The following IMMP2L variants were observed in gnomAD, a reference collection of about 807,000 sequenced individuals.
IMMP2L encodes the protein mitochondrial inner membrane protease subunit 2.
IMMP2L carries 18 observed loss-of-function variants against 19.3 expected under a neutral mutation model. The ratio of observed to expected loss-of-function variants is 0.93; its 90% CI spans 0.64 to 1.38. The LOEUF (loss-of-function observed/expected upper bound fraction) is 1.38. Ranked by LOEUF, IMMP2L falls within the 40% of genes most tolerant of loss-of-function variation. The pLI is 0.00. For synonymous variants in IMMP2L, 76 were observed against 73.0 expected (o/e 1.04, Z -0.21); for missense variants, 233 against 218.2 (o/e 1.07, Z -0.43).
intron 3 of IMMP2L, among the ~76,000 whole-genome samples, chr7:110,987,829 A>G (rs1822017362): frequency 1.3e-5 from 2 of 152,318 alleles, no homozygotes; most frequent in South Asian, 4.1e-4. Flanking sequence ...ACATTCATTT[A>G]AAAATATTAA....
chr7:111,340,093 A>T (rs1445713004), intron 3 of IMMP2L, among the ~76,000 whole-genome samples: 1 of 152,040 alleles, frequency 6.6e-6, no homozygotes, highest in African/African-American at 2.4e-5. Context: ...ATGTGGAAAA[A>T]ATAGAAAAAA....
intron 1 of IMMP2L, among the ~76,000 whole-genome samples, chr7:111,530,958 AT>A (rs145159226): frequency 0.014 from 1,973 of 143,224 alleles, 29 homozygotes; most frequent in African/African-American, 0.037. Context: ...CTGAATATTA[AT>A]TTTTTTTTTT....
chr7:110,819,314 A>T (rs1019833204), intron 5 of IMMP2L, among the ~76,000 whole-genome samples: 1 of 151,966 alleles, frequency 6.6e-6, no homozygotes, highest in Non-Finnish European at 1.5e-5. Flanking sequence ...GGAGAGAATG[A>T]GGCTGTGATG....
intron 3 of IMMP2L, among the ~76,000 whole-genome samples, chr7:111,209,383 C>T (rs949656816): frequency 3.9e-5 from 5 of 128,212 alleles, no homozygotes; most frequent in East Asian, 2.2e-4. Context: ...GGCGACAGAG[C>T]GAGACTCCTT....
chr7:111,181,836 T>C (rs926484604), intron 3 of IMMP2L, among the ~76,000 whole-genome samples: 3 of 152,012 alleles, frequency 2.0e-5, no homozygotes, highest in Admixed American at 1.3e-4. Context: ...TCCACATTTC[T>C]GCTTACTTCT....
chr7:111,187,508 T>C (rs1808400172), intron 3 of IMMP2L, among the ~76,000 whole-genome samples: 1 of 152,150 alleles, frequency 6.6e-6, no homozygotes, highest in Non-Finnish European at 1.5e-5. Flanking sequence ...CAAACCACTA[T>C]ATTATAGTTA....
chr7:111,501,845 A>G (rs1585385394), intron 2 of IMMP2L, among the ~76,000 whole-genome samples: 1 of 152,160 alleles, frequency 6.6e-6, no homozygotes, highest in South Asian at 2.1e-4. Flanking sequence ...GAAAGGAACA[A>G]CCGGTACCAG....
intron 3 of IMMP2L, among the ~76,000 whole-genome samples, chr7:111,172,771 T>C (rs954400773): frequency 5.9e-5 from 9 of 151,602 alleles, no homozygotes; most frequent in African/African-American, 2.2e-4. Context: ...CTGGTTTATG[T>C]CATTTAACCT....
chr7:110,866,921 C>T (rs1808040985), intron 5 of IMMP2L, among the ~76,000 whole-genome samples: 1 of 151,974 alleles, frequency 6.6e-6, no homozygotes, highest in African/African-American at 2.4e-5. Flanking sequence ...CTATAATTAC[C>T]AATTGCAAAC....
At chr7:111,007,536 T>G (rs1824429301) in intron 3 of IMMP2L, among the ~76,000 whole-genome samples, 1 of 152,124 alleles carries the variant, frequency 6.6e-6, no homozygotes, top group Admixed American at 6.6e-5. Context: ...TCTGCCTCTC[T>G]CGAACATCTA....
rs1430001406 is a variant in IMMP2L at position 111,101,690 on chromosome 7, TC to T, written c.240-138126del. 5.3e-5 allele frequency among the ~76,000 whole-genome samples: 8 copies of T among 151,584 alleles called. No individual in the cohort carries two copies. In the East Asian group the frequency reaches 1.4e-3, roughly 26 times the overall value. On this transcript the variant is annotated intron_variant, in intron 3 of 5. Coordinates refer to ENST00000405709, the MANE Select transcript of IMMP2L (RefSeq NM_032549.4). The stretch of plus-strand genomic sequence containing the variant: ...TCAATAGGTATATTGTCTTGTGTCT[TC>T]CCTGAGAAGACTGAGAAGAGGGTAT...
chr7:111,391,223 G>A (rs1832324656), intron 3 of IMMP2L, among the ~76,000 whole-genome samples: 1 of 152,060 alleles, frequency 6.6e-6, no homozygotes, highest in African/African-American at 2.4e-5. Flanking sequence ...ATCAGGAGCA[G>A]CTCTCTTGCT....
intron 5 of IMMP2L, among the ~76,000 whole-genome samples, chr7:110,750,131 C>T (rs974342459): frequency 4.6e-5 from 7 of 152,136 alleles, no homozygotes; most frequent in African/African-American, 7.2e-5. Context: ...AGTTAAAAAT[C>T]TCTGTGGTCT....
intron 5 of IMMP2L, among the ~76,000 whole-genome samples, chr7:110,699,800 C>T (rs1276318672): frequency 6.6e-6 from 1 of 151,426 alleles, no homozygotes; most frequent in African/African-American, 2.4e-5. Flanking sequence ...GAATATCCCT[C>T]TCATGATTAT....
intron 3 of IMMP2L, among the ~76,000 whole-genome samples, chr7:111,031,639 A>G (rs1790834461): frequency 6.6e-6 from 1 of 152,216 alleles, no homozygotes; most frequent in African/African-American, 2.4e-5. Context: ...AACGGAGGAA[A>G]TCCAAATGAT....
rs181546313 is a variant in IMMP2L, at chr7:111,040,125, C to A, written c.240-76560G>T. 4.3e-3 allele frequency among the ~76,000 whole-genome samples: 661 copies of A among 152,178 alleles called. 8 individuals are homozygous for A. The highest frequency in any genetic ancestry group is 5.9e-3 in the Non-Finnish European group (399 of 68,010). On this transcript the variant is annotated intron_variant, in intron 3 of 5. Transcript: ENST00000405709. ...CAGAGGATGCAGTGAGCGGAGATTG[C>A]GCCACTGCACTGCAGCCTGGGTGAC...
chr7:111,118,831 C>A (rs1367965266), intron 3 of IMMP2L, among the ~76,000 whole-genome samples: 1 of 152,104 alleles, frequency 6.6e-6, no homozygotes, highest in African/African-American at 2.4e-5. Context: ...TTGCTTCCTA[C>A]AGACCAGGAG....
chr7:110,780,031 TAAATA>T (rs1799632888), intron 5 of IMMP2L, among the ~76,000 whole-genome samples: 1 of 151,900 alleles, frequency 6.6e-6, no homozygotes, highest in African/African-American at 2.4e-5. Flanking sequence ...TAATGTTAAT[TAAATA>T]AAATATTTTA....
At chr7:110,981,204 A>G (rs1405634742) in intron 3 of IMMP2L, among the ~76,000 whole-genome samples, 2 of 152,166 alleles carry the variant, frequency 1.3e-5, no homozygotes, top group African/African-American at 2.4e-5. Context: ...AAAGTTGTGT[A>G]TAAATGTAAT....
Sources: gnomAD v4.1 joint callset for allele counts (sites outside exome capture counted in the v4.1 genomes callset) on GRCh38, gnomAD v4.1.1 for gene constraint, MANE v1.5 for transcripts, NCBI Gene and HGNC (gene_info 2026-07-23, HGNC 2026-07-21) for gene names.